TRIM33: variants seen among roughly 807,000 people sequenced by gnomAD.
TRIM33 encodes the protein E3 ubiquitin-protein ligase TRIM33.
A neutral mutation model predicts 125.4 loss-of-function variants in TRIM33; 20 were observed. That is an observed-to-expected ratio of 0.16 (90% CI 0.11 to 0.23). The LOEUF (loss-of-function observed/expected upper bound fraction) is 0.23, where lower values mean the gene tolerates loss of function less well. Ranked by LOEUF, TRIM33 falls within the 10% of genes least tolerant of loss-of-function variation. The probability of loss-of-function intolerance (pLI) is 1.00; values close to 1 mark genes in which losing one functional copy is unlikely to be tolerated. For missense variants in TRIM33, 920 were observed against 1,411.4 expected, an observed-to-expected ratio of 0.65 and a Z score of 5.58; for synonymous variants, 564 against 513.9, an observed-to-expected ratio of 1.10 and a Z score of -1.32.
chr1:114,416,789 CA>C (rs1652966624), intron 11 of TRIM33, among the ~76,000 whole-genome samples: 1 of 152,138 alleles, frequency 6.6e-6, no homozygotes, highest in African/African-American at 2.4e-5. Context: ...TAGCCAAATT[CA>C]GTAGAAAAAG....
At position 114,397,606 on chromosome 1, in the gene TRIM33, C is replaced by CTTTTTTTTTTTTTT; in HGVS notation, c.*41_*42insAAAAAAAAAAAAAA. 2 of 289,434 alleles carry CTTTTTTTTTTTTTT rather than the reference C, an allele frequency of 6.9e-6. No individual in the cohort carries two copies. The highest frequency in any genetic ancestry group is 1.0e-5 in the Non-Finnish European group (2 of 197,992). 17.9% of individuals were successfully genotyped at this position (289,434 alleles called of 1,614,324 possible). A position where few individuals can be genotyped will look rare whatever the true frequency, so the allele number is the denominator to read the frequency against. On this transcript the variant is annotated 3_prime_UTR_variant, in exon 20 of 20. Transcript: ENST00000358465. ...TTTTTTGTGTTTTTTTTTTTTTTTT[C>CTTTTTTTTTTTTTT]GTTTTTTTTTTTTTAAACAATTGAT... is the stretch of plus-strand genomic sequence containing the variant.
At chr1:114,404,269 G>C (rs886942580) in intron 15 of TRIM33, 3 of 151,852 alleles carry the variant, frequency 2.0e-5, no homozygotes, top group Non-Finnish European at 4.4e-5. Context: ...CGAGTAACTG[G>C]GACTACAAGG....
At position 114,401,474 on chromosome 1, in the gene TRIM33, C is replaced by T. The variant is rs756038538; in HGVS notation, c.2893-11G>A. ...AAGACGTTCACATTTCTGGCCCAAA[C>T]AAGGAAAGGAAAGCACATGAAATAT... On this transcript the variant is annotated splice_polypyrimidine_tract_variant and intron_variant, in intron 16 of 19. Transcript: ENST00000358465. 6.2e-7 allele frequency: 1 copy of T among 1,607,814 alleles called. No individual in the cohort carries two copies. The highest frequency in any genetic ancestry group is 8.5e-7 in the Non-Finnish European group (1 of 1,176,108).
At chr1:114,442,794 A>C (rs1408695686) in intron 4 of TRIM33, among the ~76,000 whole-genome samples, 2 of 151,926 alleles carry the variant, frequency 1.3e-5, no homozygotes, top group Non-Finnish European at 2.9e-5. Context: ...AGCTATGAAT[A>C]ATGCAAACTA....
chr1:114,460,754 T>C (rs551109806), intron 4 of TRIM33, among the ~76,000 whole-genome samples: 48 of 152,190 alleles, frequency 3.2e-4, no homozygotes, highest in African/African-American at 1.2e-3. Context: ...CCACTTTTTA[T>C]TATTTGTTTT....
rs545538043 is a variant in TRIM33 at position 114,502,374 on chromosome 1, G to C, written c.526+8177C>G. 1.3e-3 allele frequency among the ~76,000 whole-genome samples: 195 copies of C among 152,222 alleles called. 1 individual carries two copies. Among genetic ancestry groups the C allele is most frequent in the African/African-American group, 4.5e-3 (187 of 41,534 alleles). On this transcript the variant is annotated intron_variant, in intron 1 of 19. Coordinates refer to ENST00000358465, the MANE Select transcript of TRIM33 (RefSeq NM_015906.4). ...AGTCTTAGTTACTGAGGAACACAAA[G>C]AGCTTTTGTTTAGATGGGGTATGAC...
At chr1:114,502,792 C>A (rs574382828) in intron 1 of TRIM33, among the ~76,000 whole-genome samples, 1 of 152,172 alleles carries the variant, frequency 6.6e-6, no homozygotes, top group Admixed American at 6.5e-5. Context: ...TAGGCATGAG[C>A]CACCATGTCC....
At chr1:114,475,355 A>G (rs1650913217) in intron 1 of TRIM33, among the ~76,000 whole-genome samples, 1 of 152,220 alleles carries the variant, frequency 6.6e-6, no homozygotes, top group African/African-American at 2.4e-5. Context: ...TGCAAAGCAC[A>G]TCATAATCAA....
intron 4 of TRIM33, among the ~76,000 whole-genome samples, chr1:114,450,368 G>C (rs1245863303): frequency 6.6e-6 from 1 of 152,130 alleles, no homozygotes; most frequent in Admixed American, 6.5e-5. Flanking sequence ...GTCTCAATCT[G>C]TCACCCAGGC....
At chr1:114,427,698 AT>A (rs1647680261) in intron 7 of TRIM33, 49 bp downstream of exon 7, 1 of 1,565,034 alleles carries the variant, frequency 6.4e-7, no homozygotes, top group South Asian at 1.2e-5. Context: ...CACTGAATAT[AT>A]ATCTTAATAA....
intron 8 of TRIM33, among the ~76,000 whole-genome samples, chr1:114,426,507 CTT>C (rs371040415): frequency 7.1e-6 from 1 of 140,468 alleles, no homozygotes. Context: ...GCAAAGATTA[CTT>C]TTTTTTTTTT....
intron 18 of TRIM33, among the ~76,000 whole-genome samples, chr1:114,398,988 C>A (rs1651717396): frequency 6.7e-6 from 1 of 150,082 alleles, no homozygotes; most frequent in African/African-American, 2.5e-5. Context: ...CAAAGTCACA[C>A]TGCTGAAATA....
chr1:114,478,064 G>C (rs1468575668), intron 1 of TRIM33, among the ~76,000 whole-genome samples: 1 of 152,154 alleles, frequency 6.6e-6, no homozygotes, highest in Non-Finnish European at 1.5e-5. Context: ...AAGAAAAAAA[G>C]CAAACAACGA....
At chr1:114,496,964 TAATA>T (rs1435745863) in intron 1 of TRIM33, among the ~76,000 whole-genome samples, 1 of 152,232 alleles carries the variant, frequency 6.6e-6, no homozygotes, top group Non-Finnish European at 1.5e-5. Flanking sequence ...TGTAAGTACA[TAATA>T]AACACCATGC....
intron 4 of TRIM33, among the ~76,000 whole-genome samples, chr1:114,443,214 A>G (rs7519209): frequency 0.35 from 53,408 of 151,482 alleles, 10,087 homozygotes; most frequent in African/African-American, 0.46. Context: ...AAACCCCATC[A>G]CTACTAAAAA....
chr1:114,498,657 A>AT (rs1386855588), intron 1 of TRIM33, among the ~76,000 whole-genome samples: 1 of 152,134 alleles, frequency 6.6e-6, no homozygotes, highest in Non-Finnish European at 1.5e-5. Flanking sequence ...GTACAATGTA[A>AT]TTAATAAATT....
Position 114,430,792 on chromosome 1 carries a change from C to A in TRIM33, c.1155+6G>T. The A allele has an allele frequency of 3.4e-6, 5 of 1,487,510 alleles. No individual in the cohort carries two copies. Among genetic ancestry groups the A allele is most frequent in the Non-Finnish European group, 4.7e-6 (5 of 1,066,034 alleles). The allele number at this position is 1,487,510 out of a possible 1,614,324, so 92.1% of individuals were successfully genotyped here. On this transcript the variant is annotated splice_donor_region_variant and intron_variant, in intron 6 of 19. Coordinates refer to ENST00000358465, the MANE Select transcript of TRIM33 (RefSeq NM_015906.4). ...GTTTTTGTTTTATTTTGGCTTTGAA[C>A]CATACCTCTAGCTGTTGTAAGAGAG...
At chr1:114,430,976 T>C (rs997149712) in intron 5 of TRIM33, 64 bp from the exon 6 acceptor site, 2 of 936,386 alleles carry the variant, frequency 2.1e-6, no homozygotes, top group African/African-American at 1.7e-5. Flanking sequence ...CATCAACTGT[T>C]ACAGAAATTC....
At chr1:114,508,194 A>G (rs1201046560) in intron 1 of TRIM33, among the ~76,000 whole-genome samples, 1 of 152,146 alleles carries the variant, frequency 6.6e-6, no homozygotes, top group Non-Finnish European at 1.5e-5. Flanking sequence ...GAGAAATATT[A>G]CTTAAGATTG....
Sources: gnomAD v4.1 joint callset for allele counts (sites outside exome capture counted in the v4.1 genomes callset) on GRCh38, gnomAD v4.1.1 for gene constraint, MANE v1.5 for transcripts, NCBI Gene and HGNC (gene_info 2026-07-23, HGNC 2026-07-21) for gene names.